Variants in ZNF33B observed in about 807,000 individuals in gnomAD.
ZNF33B encodes zinc finger protein 33B.
In ZNF33B, 29 loss-of-function variants were observed where a neutral mutation model predicts 45.8. The observed-to-expected ratio is 0.63, with a 90% CI of 0.47 to 0.86. The LOEUF is 0.86. Ranked by LOEUF, ZNF33B falls within the 40% of genes least tolerant of loss-of-function variation. ZNF33B has a pLI of 0.00. For missense variants in ZNF33B, 831 were observed against 909.9 expected (o/e 0.91, Z 1.12); for synonymous variants, 305 against 307.8 (o/e 0.99, Z 0.10).
chr10:42,578,571 A>G (rs1030089558), intron 1 of ZNF33B: 2 of 152,416 alleles, frequency 1.3e-5, no homozygotes, highest in Non-Finnish European at 2.9e-5. Context: ...ACACCACTGC[A>G]TGGTAGCATG....
At chr10:42,601,006 CT>C (rs2132062114) in intron 4 of ZNF33B, among the ~76,000 whole-genome samples, 1 of 152,308 alleles carries the variant, frequency 6.6e-6, no homozygotes, top group South Asian at 2.1e-4. Flanking sequence ...AATCTTTCAG[CT>C]TTGTTTAACT....
chr10:42,612,985 G>C (rs1387094728), intron 4 of ZNF33B, among the ~76,000 whole-genome samples: 1 of 152,150 alleles, frequency 6.6e-6, no homozygotes, highest in African/African-American at 2.4e-5. Flanking sequence ...CATGGGTTAA[G>C]AAGAAGCCAG....
chr10:42,637,692 C>G (rs970768548), intron 1 of ZNF33B, among the ~76,000 whole-genome samples: 1 of 152,156 alleles, frequency 6.6e-6, no homozygotes, highest in African/African-American at 2.4e-5. Flanking sequence ...GACGGAGTTT[C>G]GTTCTTGTTG....
downstream of ZNF33B, among the ~76,000 whole-genome samples, chr10:42,588,055 T>C (rs1589014924): frequency 6.6e-6 from 1 of 151,094 alleles, no homozygotes; most frequent in South Asian, 2.1e-4. Context: ...TAACAAACAA[T>C]AGTCTATAGG....
chr10:42,609,507 A>G (rs1044511425), intron 4 of ZNF33B, among the ~76,000 whole-genome samples: 4 of 152,214 alleles, frequency 2.6e-5, no homozygotes, highest in African/African-American at 7.2e-5. Flanking sequence ...AATTTTATCA[A>G]ACATTTAAAA....
intron 1 of ZNF33B, chr10:42,583,467 G>A (rs1222322235): frequency 3.8e-6 from 1 of 262,926 alleles, no homozygotes; most frequent in Non-Finnish European, 7.6e-6. Flanking sequence ...ATGGGAGCTG[G>A]TATCTTCAAA....
At chr10:42,627,888 C>T (rs906960198) in intron 4 of ZNF33B, among the ~76,000 whole-genome samples, 52 of 152,280 alleles carry the variant, frequency 3.4e-4, no homozygotes, top group African/African-American at 1.2e-3. Context: ...AGAAAACATA[C>T]ATACTCAGAA....
chr10:42,595,564 G>A (rs939716802), intron 4 of ZNF33B, among the ~76,000 whole-genome samples: 2 of 152,170 alleles, frequency 1.3e-5, no homozygotes, highest in African/African-American at 4.8e-5. Context: ...CAGTGTGACT[G>A]TATTTGAAGA....
intron 4 of ZNF33B, among the ~76,000 whole-genome samples, chr10:42,598,474 C>G (rs1343720426): frequency 6.6e-6 from 1 of 152,232 alleles, no homozygotes; most frequent in African/African-American, 2.4e-5. Context: ...AGACCAACAG[C>G]TTAGTAGGGC....
rs145780960 is a variant in ZNF33B, at chr10:42,593,763, T to G, written c.1187A>C (p.His396Pro). Residue 396 changes from histidine to proline, a missense_variant, in exon 5 of 5, where the codon CAT (histidine) becomes CCT (proline). By Grantham distance (77) the His-to-Pro change is moderately conservative (BLOSUM62 -2). Coordinates refer to ENST00000359467, the MANE Select transcript of ZNF33B (RefSeq NM_006955.3). The stretch of plus-strand genomic sequence containing the variant: ...CTGGTGTAATGTGAGGGCTGACTTA[T>G]GGCTAAAGGCTTTCCCACATTCATT... ...ECNECGKAFSHKSALTLHQRT... is the reference protein window; with the variant it reads ...ECNECGKAFSPKSALTLHQRT... 6.2e-7 allele frequency: 1 copy of G among 1,613,954 alleles called. No individual in the cohort carries two copies. The highest frequency in any genetic ancestry group is 2.2e-5 in the East Asian group (1 of 44,858).
At chr10:42,636,815 G>T in intron 2 of ZNF33B, 105 bp downstream of exon 2, 5 of 1,518,864 alleles carry the variant, frequency 3.3e-6, no homozygotes, top group Middle Eastern at 1.7e-4. Context: ...GCGACAGAGC[G>T]AGACTCCATG....
Position 42,592,680 on chromosome 10 carries a change from G to A in ZNF33B, c.2270C>T (p.Thr757Ile). The A allele has an allele frequency of 6.2e-7, 1 of 1,614,032 alleles. No homozygotes were observed. The highest frequency in any genetic ancestry group is 8.5e-7 in the Non-Finnish European group (1 of 1,179,954). Residue 757 changes from threonine (T) to isoleucine (I), a missense_variant, in exon 5 of 5, where the codon ACC becomes ATC. Physicochemically the swap from Thr to Ile is moderately conservative, Grantham distance 89 (BLOSUM62 -1). Transcript: ENST00000359467. The part of the protein sequence containing the change: ...KPYECNTCRK[T>I]FSQKSNLIVH... ...AATGAGATTTGACTTTTGAGAGAAG[G>A]TTTTCCTGCATGTGTTACATTCATA...
intron 4 of ZNF33B, among the ~76,000 whole-genome samples, chr10:42,629,674 A>C (rs1838965102): frequency 2.6e-5 from 4 of 152,138 alleles, no homozygotes; most frequent in Admixed American, 6.5e-5. Flanking sequence ...GATTATTTAC[A>C]TTTAAGGTAA....
In ZNF33B at chr10:42,589,439, T is replaced by C. The variant is rs1016554562; in HGVS notation, c.*3174A>G. On this transcript the variant is annotated 3_prime_UTR_variant, in exon 5 of 5. Coordinates refer to ENST00000359467, the MANE Select transcript of ZNF33B (RefSeq NM_006955.3). Reference sequence around the variant, plus strand: ...TACTTTCACTGTCCTAAAAATCACCTACCTGCCATCCCTCCTTTCCCCTCA... The same window carrying C: ...TACTTTCACTGTCCTAAAAATCACCCACCTGCCATCCCTCCTTTCCCCTCA... The C allele has an allele frequency of 2.0e-5, 3 of 152,224 alleles. No individual in the cohort carries two copies. Among genetic ancestry groups the C allele is most frequent in the African/African-American group, 7.2e-5 (3 of 41,468 alleles). 9.4% of individuals were successfully genotyped at this position (152,224 alleles called of 1,614,324 possible).
In ZNF33B at chr10:42,592,489, A is replaced by G. The variant is rs534417001; in HGVS notation, c.*124T>C. ...TTATCCCCTACTGTTACTTTGGAGT[A>G]ACATAAGGCGAGTTTGTGGATAGTT... On this transcript the variant is annotated 3_prime_UTR_variant, in exon 5 of 5. Transcript: ENST00000359467. The G allele has an allele frequency of 7.5e-7, 1 of 1,338,776 alleles. No individual in the cohort carries two copies. Among genetic ancestry groups the G allele is most frequent in the East Asian group, 2.3e-5 (1 of 43,264 alleles). 82.9% of individuals were successfully genotyped at this position (1,338,776 alleles called of 1,614,324 possible).
chr10:42,598,965 TATTA>T (rs142370902), intron 4 of ZNF33B, among the ~76,000 whole-genome samples: 12,059 of 152,242 alleles, frequency 0.079, 724 homozygotes, highest in Admixed American at 0.18. Flanking sequence ...AAATTGGTAC[TATTA>T]ATTGTTTGCT....
intron 4 of ZNF33B, among the ~76,000 whole-genome samples, chr10:42,623,423 C>G (rs1838675473): frequency 6.6e-6 from 1 of 152,174 alleles, no homozygotes; most frequent in Non-Finnish European, 1.5e-5. Flanking sequence ...TACCAGTGTT[C>G]ACTGAAGCAT....
intron 4 of ZNF33B, among the ~76,000 whole-genome samples, chr10:42,619,069 G>A (rs1172427549): frequency 6.6e-6 from 1 of 151,198 alleles, no homozygotes. Flanking sequence ...TAACAGTGTT[G>A]AGTGACATAA....
At chr10:42,635,342 T>C (rs562741961) in intron 2 of ZNF33B, among the ~76,000 whole-genome samples, 2 of 151,904 alleles carry the variant, frequency 1.3e-5, no homozygotes, top group East Asian at 3.9e-4. Context: ...ACAGATTAAA[T>C]GTAAATGAGT....
Sources: gnomAD v4.1 joint callset for allele counts (sites outside exome capture counted in the v4.1 genomes callset) on GRCh38, gnomAD v4.1.1 for gene constraint, MANE v1.5 for transcripts, NCBI Gene and HGNC (gene_info 2026-07-23, HGNC 2026-07-21) for gene names.